The following CLSTN2 variants were observed in gnomAD, a reference collection of about 807,000 sequenced individuals.
CLSTN2 encodes the protein calsyntenin-2.
CLSTN2 carries 48 observed loss-of-function variants against 101.2 expected under a neutral mutation model. That is an observed-to-expected ratio of 0.47 (90% confidence interval 0.38 to 0.60). CLSTN2 has a LOEUF of 0.60. Among genes scored for constraint, CLSTN2 ranks in the 20% least tolerant of loss-of-function variants. CLSTN2 has a pLI of 0.00. For synonymous variants in CLSTN2, 481 were observed against 463.6 expected, an observed-to-expected ratio of 1.04 and a Z score of -0.48; for missense variants, 1,160 against 1,238.2, an observed-to-expected ratio of 0.94 and a Z score of 0.95.
intron 8 of CLSTN2, among the ~76,000 whole-genome samples, chr3:140,501,190 T>G (rs1415790608): frequency 6.6e-6 from 1 of 152,202 alleles, no homozygotes; most frequent in Non-Finnish European, 1.5e-5. Context: ...TCCTGCATAC[T>G]TTCTAGCTTG....
At chr3:140,410,762 T>C (rs921932790) in intron 4 of CLSTN2, among the ~76,000 whole-genome samples, 1 of 152,216 alleles carries the variant, frequency 6.6e-6, no homozygotes, top group African/African-American at 2.4e-5. Flanking sequence ...TGTTAATGTA[T>C]GTACAATATA....
In CLSTN2 at chr3:140,220,860, C is replaced by G. The variant is rs114297159; in HGVS notation, c.232+44787C>G. ...CATAGATGCCTCTATGTGCCCGGGA[C>G]TGTGTTCCCAGTGCTTTTGCCTACA... On this transcript the variant is annotated intron_variant, in intron 2 of 16. Transcript: ENST00000458420. Among the ~76,000 whole-genome samples the G allele has an allele frequency of 6.9e-3, 1,047 of 152,300 alleles. 8 individuals are homozygous for G. The highest frequency in any genetic ancestry group is 0.025 in the African/African-American group (1,020 of 41,570).
At chr3:140,115,912 G>A (rs1320679720) in intron 1 of CLSTN2, among the ~76,000 whole-genome samples, 1 of 152,202 alleles carries the variant, frequency 6.6e-6, no homozygotes, top group African/African-American at 2.4e-5. Flanking sequence ...CCGTTGTTAG[G>A]CTAAGAAATC....
At chr3:139,942,557 G>T (rs958623031) in intron 1 of CLSTN2, among the ~76,000 whole-genome samples, 1 of 152,220 alleles carries the variant, frequency 6.6e-6, no homozygotes, top group Non-Finnish European at 1.5e-5. Flanking sequence ...GTTGAGAGGT[G>T]TGCATGGCAA....
intron 8 of CLSTN2, among the ~76,000 whole-genome samples, chr3:140,472,707 T>A (rs566983647): frequency 6.6e-6 from 1 of 150,726 alleles, no homozygotes; most frequent in South Asian, 2.1e-4. Context: ...AATGTCTTTT[T>A]TTTCTCTCTC....
At chr3:140,343,748 C>T (rs531636773) in intron 2 of CLSTN2, among the ~76,000 whole-genome samples, 25 of 152,204 alleles carry the variant, frequency 1.6e-4, no homozygotes, top group South Asian at 4.1e-4. Context: ...TAAGTTTATA[C>T]GGTTATTCTA....
chr3:140,218,143 T>C (rs2010942209), intron 2 of CLSTN2, among the ~76,000 whole-genome samples: 1 of 152,204 alleles, frequency 6.6e-6, no homozygotes, highest in African/African-American at 2.4e-5. Flanking sequence ...TCAAACATAA[T>C]ATTTTATATT....
At chr3:140,490,758 T>C (rs1200994508) in intron 8 of CLSTN2, among the ~76,000 whole-genome samples, 1 of 152,098 alleles carries the variant, frequency 6.6e-6, no homozygotes, top group Non-Finnish European at 1.5e-5. Flanking sequence ...ATCTGCTCAG[T>C]AACGAGGAGC....
At chr3:140,139,577 G>C (rs1435660367) in intron 1 of CLSTN2, among the ~76,000 whole-genome samples, 2 of 152,196 alleles carry the variant, frequency 1.3e-5, no homozygotes, top group Non-Finnish European at 2.9e-5. Context: ...TAGGCGTCTG[G>C]ATTTTTCAAA....
intron 2 of CLSTN2, among the ~76,000 whole-genome samples, chr3:140,324,143 C>T (rs776744788): frequency 2.0e-5 from 3 of 152,168 alleles, no homozygotes; most frequent in Non-Finnish European, 1.5e-5. Context: ...ACTGTGGGCA[C>T]CTTAAACCTT....
At chr3:140,277,676 T>TA (rs932711186) in intron 2 of CLSTN2, among the ~76,000 whole-genome samples, 363 of 151,548 alleles carry the variant, frequency 2.4e-3, no homozygotes, top group East Asian at 0.022. Context: ...CCAGTGCACT[T>TA]AAAAAAAAAT....
intron 1 of CLSTN2, among the ~76,000 whole-genome samples, chr3:140,157,484 A>G (rs1205165464): frequency 6.6e-6 from 1 of 152,174 alleles, no homozygotes; most frequent in African/African-American, 2.4e-5. Context: ...GTGTGTTTCT[A>G]GGAATTTATC....
intron 1 of CLSTN2, among the ~76,000 whole-genome samples, chr3:140,096,497 C>G (rs552379657): frequency 6.6e-6 from 1 of 152,288 alleles, no homozygotes; most frequent in East Asian, 1.9e-4. Flanking sequence ...GAGAGAATAT[C>G]TTGGCGGGAG....
At chr3:140,524,825 A>G (rs1268060405) in intron 8 of CLSTN2, among the ~76,000 whole-genome samples, 2 of 152,214 alleles carry the variant, frequency 1.3e-5, no homozygotes, top group African/African-American at 4.8e-5. Flanking sequence ...TGGAAATTAA[A>G]CAACTTTCTC....
chr3:140,078,703 G>A (rs374384136), intron 1 of CLSTN2, among the ~76,000 whole-genome samples: 1 of 152,166 alleles, frequency 6.6e-6, no homozygotes, highest in African/African-American at 2.4e-5. Flanking sequence ...AAAGGAAAAC[G>A]GTGCAGGGGA....
chr3:140,371,072 C>T (rs966123813), intron 2 of CLSTN2, among the ~76,000 whole-genome samples: 4 of 152,190 alleles, frequency 2.6e-5, no homozygotes, highest in African/African-American at 7.2e-5. Flanking sequence ...TTCTGGCAAA[C>T]ACCTTCTGCA....
At chr3:140,462,846 A>G (rs1933595098) in intron 7 of CLSTN2, 1 of 152,256 alleles carries the variant, frequency 6.6e-6, no homozygotes, top group South Asian at 2.1e-4. Context: ...CATAGAACAG[A>G]AAGTAAGGCT....
intron 2 of CLSTN2, among the ~76,000 whole-genome samples, chr3:140,280,979 G>T (rs1559827648): frequency 6.6e-6 from 1 of 152,196 alleles, no homozygotes; most frequent in African/African-American, 2.4e-5. Context: ...TAGGATCAAG[G>T]ATCAGTAAGA....
intron 1 of CLSTN2, among the ~76,000 whole-genome samples, chr3:140,001,326 A>G (rs2006833315): frequency 6.6e-6 from 1 of 151,738 alleles, no homozygotes; most frequent in Admixed American, 6.6e-5. Flanking sequence ...CTTCTGCTTT[A>G]TCTAGTTTGC....
Sources: allele counts gnomAD v4.1 joint callset (sites outside exome capture counted in the v4.1 genomes callset), GRCh38; gene constraint gnomAD v4.1.1; transcripts MANE v1.5; gene names NCBI Gene and HGNC (gene_info 2026-07-23, HGNC 2026-07-21).